The following ADPRHL1 variants were observed in gnomAD, a reference collection of about 807,000 sequenced individuals.
ADPRHL1 encodes ADP-ribosylhydrolase like 1, also known as inactive ADP-ribosyltransferase ARH2.
Under a neutral mutation model 44.1 loss-of-function variants are expected in ADPRHL1, and 43 were observed. That is an observed-to-expected ratio of 0.98 (90% CI 0.76 to 1.26). ADPRHL1 has a LOEUF of 1.26. Among genes scored for constraint, ADPRHL1 ranks in the 50% most tolerant of loss-of-function variants. The pLI, the probability that ADPRHL1 is intolerant of heterozygous loss-of-function variation, is 0.00. For synonymous variants in ADPRHL1, 878 were observed against 1,017.4 expected, an observed-to-expected ratio of 0.86 and a Z score of 2.61; for missense variants, 2,022 against 2,496.9, an observed-to-expected ratio of 0.81 and a Z score of 4.05.
rs745400721 is a variant in ADPRHL1, at chr13:113,408,046, C to G, written c.1236G>C (p.Arg412Ser). Residue 412 changes from arginine (R) to serine (S), a missense_variant, in exon 8 of 8, where the codon AGG becomes AGC. Coordinates refer to ENST00000612156, the MANE Select transcript of ADPRHL1 (RefSeq NM_001394807.1). ...CCTGGGTCTGGGGCTGGTGGCTGGGCCTGCTCCCCCCGGCCTCTGTCCCCG... is the reference window on the plus strand; with the variant it reads ...CCTGGGTCTGGGGCTGGTGGCTGGGGCTGCTCCCCCCGGCCTCTGTCCCCG... ...RPPGTEAGGS[R>S]PSHQPQTQEA... 8.9e-6 allele frequency: 11 copies of G among 1,232,304 alleles called. No individual in the cohort carries two copies. Among genetic ancestry groups the G allele is most frequent in the Non-Finnish European group, 1.1e-5 (11 of 988,318 alleles). 76.3% of individuals were successfully genotyped at this position (1,232,304 alleles called of 1,614,324 possible). A position where few individuals can be genotyped will look rare whatever the true frequency, so the allele number is the denominator to read the frequency against.
At position 113,441,965 on chromosome 13, in the gene ADPRHL1, G is replaced by A. The variant is rs183777564; in HGVS notation, c.379+2460C>T. Among the ~76,000 whole-genome samples the A allele has an allele frequency of 1.2e-4, 19 of 152,302 alleles. No individual in the cohort carries two copies. In the East Asian group the frequency reaches 1.5e-3, roughly 12 times the overall value. On this transcript the variant is annotated intron_variant, in intron 2 of 7. Transcript: ENST00000612156. The surrounding 1 kb of genome is among the most constrained non-coding windows in gnomAD (Gnocchi z 6.0). ...TCTGTCACGTTGTGTCCCGCCACGC[G>A]GCGTCCGCGTCTCTATCACGCTGTG...
rs2044188188 is a variant in ADPRHL1 at position 113,453,071 on chromosome 13, C to G, written c.214+153G>C. 6.6e-6 allele frequency among the ~76,000 whole-genome samples: 1 copy of G among 152,200 alleles called. No individual in the cohort carries two copies. The highest frequency in any genetic ancestry group is 1.5e-5 in the Non-Finnish European group (1 of 68,036). Reference sequence around the variant, plus strand: ...CCGCATATCAAATTTGAGGGACACTCAGATTAAATTGCCACTTTTAGCAGC... The same window carrying G: ...CCGCATATCAAATTTGAGGGACACTGAGATTAAATTGCCACTTTTAGCAGC... On this transcript the variant is annotated intron_variant, in intron 1 of 7. Transcript: ENST00000612156. The surrounding 1 kb of genome is among the most constrained non-coding windows in gnomAD (Gnocchi z 5.4).
At chr13:113,424,141 T>G in intron 6 of ADPRHL1, 76 bp downstream of exon 6, 1 of 1,578,410 alleles carries the variant, frequency 6.3e-7, no homozygotes, top group Non-Finnish European at 8.6e-7. Flanking sequence ...CCTGCAGTCC[T>G]AGGACACTCC....
At chr13:113,437,604 T>C (rs2139641210) in intron 2 of ADPRHL1, among the ~76,000 whole-genome samples, 1 of 152,380 alleles carries the variant, frequency 6.6e-6, no homozygotes, top group Middle Eastern at 3.4e-3. Flanking sequence ...TTATAACTGC[T>C]CTGAGAAGCG....
chr13:113,443,901 C>T (rs1217727179), intron 2 of ADPRHL1, among the ~76,000 whole-genome samples: 1 of 151,556 alleles, frequency 6.6e-6, no homozygotes, highest in Non-Finnish European at 1.5e-5. Context: ...CAAGATCGCA[C>T]CACTGCACTC....
intron 7 of ADPRHL1, among the ~76,000 whole-genome samples, chr13:113,421,624 G>T (rs1288921373): frequency 6.6e-6 from 1 of 152,204 alleles, no homozygotes; most frequent in Non-Finnish European, 1.5e-5. Context: ...GCACCTGGGA[G>T]CTGGGAGTCC....
At chr13:113,448,465 C>T (rs1474110078) in intron 1 of ADPRHL1, among the ~76,000 whole-genome samples, 1 of 39,844 alleles carries the variant, frequency 2.5e-5, no homozygotes, top group South Asian at 1.2e-3. Context: ...GACTATGTCC[C>T]AAAAAAAAAA....
Position 113,401,409 on chromosome 13 carries a change from G to A in ADPRHL1, c.*1969C>T, listed in dbSNP as rs2139585461. The stretch of plus-strand genomic sequence containing the variant: ...CAGGGGTCCAGCGGCACCACAGCAA[G>A]ACTTCTGTGGCCAAGTACACGCCAT... On this transcript the variant is annotated 3_prime_UTR_variant, in exon 8 of 8. Coordinates refer to ENST00000612156, the MANE Select transcript of ADPRHL1 (RefSeq NM_001394807.1). The surrounding 1 kb of genome is among the most constrained non-coding windows in gnomAD (Gnocchi z 5.5). 1 of 152,474 alleles carries A rather than the reference G, an allele frequency of 6.6e-6. No homozygotes were observed. The highest frequency in any genetic ancestry group is 2.4e-5 in the African/African-American group (1 of 41,566). The allele number at this position is 152,474 out of a possible 1,614,324, so 9.4% of individuals were successfully genotyped here.
chr13:113,424,087 G>A, intron 6 of ADPRHL1, 130 bp downstream of exon 6: 2 of 1,296,010 alleles, frequency 1.5e-6, no homozygotes, highest in South Asian at 1.5e-5. Flanking sequence ...CAGAAAGGAA[G>A]AGATGGACGC....
Position 113,409,490 on chromosome 13 carries a change from G to A in ADPRHL1, c.1062-1270C>T. ...ATCCTCGATGTCCAACTCCAGGGCGGCCGCACAATGGCACGTCCACATTTG... is the reference window on the plus strand; with the variant it reads ...ATCCTCGATGTCCAACTCCAGGGCGACCGCACAATGGCACGTCCACATTTG... On this transcript the variant is annotated intron_variant, in intron 7 of 7. Transcript: ENST00000612156. The surrounding 1 kb of genome is among the most constrained non-coding windows in gnomAD (Gnocchi z 4.2). The A allele has an allele frequency of 1.0e-6, 1 of 985,444 alleles. No homozygotes were observed. The highest frequency in any genetic ancestry group is 1.2e-6 in the Non-Finnish European group (1 of 829,938). The allele number at this position is 985,444 out of a possible 1,614,324, so 61.0% of individuals were successfully genotyped here.
intron 7 of ADPRHL1, among the ~76,000 whole-genome samples, chr13:113,418,377 G>A (rs1388947027): frequency 6.6e-6 from 1 of 152,196 alleles, no homozygotes; most frequent in African/African-American, 2.4e-5. Context: ...GGTGCTCTGA[G>A]CGGCTGCCCT....
Position 113,400,145 on chromosome 13 carries a change from C to CTTTTTTTT in ADPRHL1, c.*3232_*3233insAAAAAAAA, listed in dbSNP as rs529085012. On this transcript the variant is annotated 3_prime_UTR_variant, in exon 8 of 8. Transcript: ENST00000612156. The stretch of plus-strand genomic sequence containing the variant: ...ATCCTGTTTTCTTTTCTTTTCTTTT[C>CTTTTTTTT]TTCTTTTTTTTTTTTTTTTTGACGG... 8.0e-6 allele frequency: 1 copy of CTTTTTTTT among 125,398 alleles called. No homozygotes were observed. The allele number at this position is 125,398 out of a possible 1,614,324, so 7.8% of individuals were successfully genotyped here.
rs2043800396 is a variant in ADPRHL1 at position 113,405,398 on chromosome 13, T to C, written c.3884A>G (p.Gln1295Arg). The change falls in exon 8 of 8, where the codon CAG (glutamine) becomes CGG (arginine). Residue 1295 changes from glutamine (Q) to arginine (R), a missense_variant. Physicochemically the swap from Gln to Arg is conservative, Grantham distance 43. Transcript: ENST00000612156. Reference protein sequence around the residue: ...GLPPSPPENPQAKGREGVRFP... With the variant: ...GLPPSPPENPRAKGREGVRFP... ...CCTGACGCCCTCCCTGCCCTTTGCC[T>C]GTGGGTTCTCAGGAGGCGACGGCGG... 8.1e-6 allele frequency: 10 copies of C among 1,231,786 alleles called. No individual in the cohort carries two copies. In the South Asian group the frequency reaches 4.1e-4, roughly 51 times the overall value. 76.3% of individuals were successfully genotyped at this position (1,231,786 alleles called of 1,614,324 possible). A position where few individuals can be genotyped will look rare whatever the true frequency, so the allele number is the denominator to read the frequency against.
rs2044095397 is a variant in ADPRHL1, at chr13:113,441,138, G to A, written c.379+3287C>T. Among the ~76,000 whole-genome samples the A allele has an allele frequency of 6.6e-6, 1 of 152,150 alleles. No individual in the cohort carries two copies. The highest frequency in any genetic ancestry group is 1.5e-5 in the Non-Finnish European group (1 of 68,030). ...ACTGCACTCCAATCTGGGCGACAGA[G>A]CAAGACTCCATCTCAAAATTAAAAA... On this transcript the variant is annotated intron_variant, in intron 2 of 7. Coordinates refer to ENST00000612156, the MANE Select transcript of ADPRHL1 (RefSeq NM_001394807.1). The surrounding 1 kb of genome is among the most constrained non-coding windows in gnomAD (Gnocchi z 6.0).
intron 4 of ADPRHL1, among the ~76,000 whole-genome samples, chr13:113,427,065 T>C (rs1413421518): frequency 1.3e-5 from 2 of 152,188 alleles, no homozygotes; most frequent in Non-Finnish European, 2.9e-5. Flanking sequence ...ATTTGGAGGA[T>C]TGTTTCTCAG....
At chr13:113,416,089 G>A (rs1263688124) in intron 7 of ADPRHL1, among the ~76,000 whole-genome samples, 2 of 151,618 alleles carry the variant, frequency 1.3e-5, no homozygotes, top group Non-Finnish European at 2.9e-5. Flanking sequence ...CAGCTTCTGA[G>A]CATCATTGCA....
Position 113,407,005 on chromosome 13 carries a change from C to T in ADPRHL1, c.2277G>A (p.Arg759=). The T allele has an allele frequency of 8.1e-7, 1 of 1,232,294 alleles. No homozygotes were observed. Among genetic ancestry groups the T allele is most frequent in the Non-Finnish European group, 1.0e-6 (1 of 988,112 alleles). The allele number at this position is 1,232,294 out of a possible 1,614,324, so 76.3% of individuals were successfully genotyped here. The change falls in exon 8 of 8, where the codon AGG becomes AGA. Residue 759 remains arginine (R), a synonymous_variant. Coordinates refer to ENST00000612156, the MANE Select transcript of ADPRHL1 (RefSeq NM_001394807.1). ...ESTAGGVQEV[R]GARLTWPPGP... is the part of the protein sequence containing the mutation. ...CAGGAGGCCACGTGAGCCTGGCTCC[C>T]CTCACCTCCTGGACGCCTCCTGCGG...
rs756414102 is a variant in ADPRHL1 at position 113,408,147 on chromosome 13, G to T, written c.1135C>A (p.Leu379Met). The T allele has an allele frequency of 5.0e-5, 62 of 1,231,942 alleles. No homozygotes were observed. Among genetic ancestry groups the T allele is most frequent in the Non-Finnish European group, 6.0e-5 (59 of 988,000 alleles). 76.3% of individuals were successfully genotyped at this position (1,231,942 alleles called of 1,614,324 possible). A position where few individuals can be genotyped will look rare whatever the true frequency, so the allele number is the denominator to read the frequency against. The change falls in exon 8 of 8, where the codon CTG becomes ATG. Residue 379 changes from leucine to methionine, a missense_variant. Physicochemically the swap from Leu to Met is conservative, Grantham distance 15. Transcript: ENST00000612156. ...GAGTGGGCGGCCGGGTCACAGGCCA[G>T]CTTGCCCATCTTCTTCTTCAGGGTT... ...AQTLKKKMGK[L>M]ACDPAAHSIL...
rs2043827245 is a variant in ADPRHL1, at chr13:113,408,742, ACCG to A, written c.1062-525_1062-523del. Among the ~76,000 whole-genome samples, 3 of 152,114 alleles carry A rather than the reference ACCG, an allele frequency of 2.0e-5. No individual in the cohort carries two copies. In the East Asian group the frequency reaches 5.8e-4, roughly 30 times the overall value. ...ACAGCAGAGACTGAAGATTCAGCAAACCGCTCAGGCTTGGGGTGGGCGGAGAAG... is the reference window on the plus strand; with the variant it reads ...ACAGCAGAGACTGAAGATTCAGCAAACTCAGGCTTGGGGTGGGCGGAGAAG... On this transcript the variant is annotated intron_variant, in intron 7 of 7. Coordinates refer to ENST00000612156, the MANE Select transcript of ADPRHL1 (RefSeq NM_001394807.1).
Sources: allele counts gnomAD v4.1 joint callset (sites outside exome capture counted in the v4.1 genomes callset), GRCh38; gene constraint gnomAD v4.1.1; non-coding constraint Gnocchi (gnomAD v3.1); transcripts MANE v1.5; gene names NCBI Gene and HGNC (gene_info 2026-07-23, HGNC 2026-07-21).